The following NUBPL variants were observed in gnomAD, a reference collection of about 807,000 sequenced individuals.
The protein encoded by NUBPL is iron-sulfur cluster transfer protein NUBPL.
A neutral mutation model predicts 45.7 loss-of-function variants in NUBPL; 31 were observed. The observed-to-expected ratio is 0.68, with a 90% CI of 0.51 to 0.92. The LOEUF (loss-of-function observed/expected upper bound fraction) is 0.92, where lower values mean the gene tolerates loss of function less well. Ranked by LOEUF, NUBPL falls within the 40% of genes least tolerant of loss-of-function variation. The probability of loss-of-function intolerance (pLI) is 0.00; values close to 1 mark genes in which losing one functional copy is unlikely to be tolerated. For missense variants in NUBPL, 401 were observed against 398.7 expected, an observed-to-expected ratio of 1.01 and a Z score of -0.05; for synonymous variants, 144 against 140.9, an observed-to-expected ratio of 1.02 and a Z score of -0.15.
intron 6 of NUBPL, among the ~76,000 whole-genome samples, chr14:31,704,524 A>G (rs2037404616): frequency 1.3e-5 from 2 of 152,040 alleles, no homozygotes; most frequent in Admixed American, 6.5e-5. Context: ...TTAGCCAGGC[A>G]TGGTGGTGCA....
At chr14:31,799,365 G>T (rs116299230) in intron 7 of NUBPL, among the ~76,000 whole-genome samples, 2 of 151,998 alleles carry the variant, frequency 1.3e-5, no homozygotes, top group Non-Finnish European at 2.9e-5. Flanking sequence ...CACAAGTAAG[G>T]GTAGATAATC....
chr14:31,637,338 C>T (rs984428160), intron 4 of NUBPL, among the ~76,000 whole-genome samples: 38 of 152,282 alleles, frequency 2.5e-4, no homozygotes, highest in African/African-American at 7.0e-4. Context: ...ACCTTCATTT[C>T]GTTATGCACC....
intron 4 of NUBPL, among the ~76,000 whole-genome samples, chr14:31,638,101 ATT>A (rs1849665627): frequency 4.0e-5 from 6 of 151,446 alleles, no homozygotes; most frequent in Admixed American, 2.0e-4. Flanking sequence ...TAAAGTTAAT[ATT>A]GTTATGTGTG....
intron 6 of NUBPL, among the ~76,000 whole-genome samples, chr14:31,776,667 G>C (rs145499230): frequency 4.6e-5 from 7 of 152,208 alleles, no homozygotes; most frequent in Non-Finnish European, 1.0e-4. Context: ...TCAAACTGGG[G>C]GTCCAACAGC....
intron 6 of NUBPL, among the ~76,000 whole-genome samples, chr14:31,695,119 C>G (rs1189706188): frequency 6.6e-6 from 1 of 152,168 alleles, no homozygotes; most frequent in Middle Eastern, 3.2e-3. Context: ...TAAAAGTTTG[C>G]AGTCTCATTT....
chr14:31,749,708 G>T (rs1458960046), intron 6 of NUBPL, among the ~76,000 whole-genome samples: 1 of 151,948 alleles, frequency 6.6e-6, no homozygotes, highest in African/African-American at 2.4e-5. Context: ...TCTATTTGGG[G>T]ACTTTTGAGC....
In NUBPL at chr14:31,690,973, T is replaced by A. The variant is rs148459939; in HGVS notation, c.513+17399T>A. ...TGATTATTCAAGACTGCTTTTGGCT[T>A]TTATGACATGGACACTTCTATGATG... is the stretch of plus-strand genomic sequence containing the variant. On this transcript the variant is annotated intron_variant, in intron 6 of 10. Transcript: ENST00000281081. Among the ~76,000 whole-genome samples, 520 of 152,328 alleles carry A rather than the reference T, an allele frequency of 3.4e-3. 3 individuals carry two copies. The highest frequency in any genetic ancestry group is 0.011 in the African/African-American group (474 of 41,574).
At chr14:31,616,952 G>A (rs2034919063) in intron 4 of NUBPL, among the ~76,000 whole-genome samples, 1 of 152,022 alleles carries the variant, frequency 6.6e-6, no homozygotes, top group Non-Finnish European at 1.5e-5. Context: ...ATTTTCTTGA[G>A]CAGTGGTTTG....
chr14:31,594,597 C>G (rs2139538729), intron 3 of NUBPL, among the ~76,000 whole-genome samples: 1 of 151,518 alleles, frequency 6.6e-6, no homozygotes, highest in Non-Finnish European at 1.5e-5. Flanking sequence ...CTCTTTTTTC[C>G]TGATTGAACT....
In NUBPL at chr14:31,859,606, C is replaced by G. The variant is rs1352153623; in HGVS notation, c.*426C>G. Reference sequence around the variant, plus strand: ...AATTTGGACTGTCTTTGAATCCTGTCTTTGGTACTGTCTTGGACATGTTCT... The same window carrying G: ...AATTTGGACTGTCTTTGAATCCTGTGTTTGGTACTGTCTTGGACATGTTCT... On this transcript the variant is annotated 3_prime_UTR_variant, in exon 11 of 11. Coordinates refer to ENST00000281081, the MANE Select transcript of NUBPL (RefSeq NM_025152.3). 4 of 298,640 alleles carry G rather than the reference C, an allele frequency of 1.3e-5. No homozygotes were observed. The highest frequency in any genetic ancestry group is 2.6e-5 in the Non-Finnish European group (4 of 154,886). The allele number at this position is 298,640 out of a possible 1,614,324, so 18.5% of individuals were successfully genotyped here. A position where few individuals can be genotyped will look rare whatever the true frequency, so the allele number is the denominator to read the frequency against.
At chr14:31,732,204 T>A (rs1489294459) in intron 6 of NUBPL, among the ~76,000 whole-genome samples, 557 of 36,574 alleles carry the variant, frequency 0.015, 11 homozygotes, top group African/African-American at 0.034. Context: ...AAAAAAAAAA[T>A]GAAAGAAAGA....
chr14:31,743,579 C>T (rs779954862), intron 6 of NUBPL, among the ~76,000 whole-genome samples: 13 of 152,030 alleles, frequency 8.6e-5, no homozygotes, highest in Middle Eastern at 3.2e-3. Flanking sequence ...GGGATTTCGC[C>T]GTGTTGGCCA....
chr14:31,787,646 A>ACT, intron 6 of NUBPL, 134 bp from the exon 7 acceptor site: 1 of 671,674 alleles, frequency 1.5e-6, no homozygotes, highest in East Asian at 2.8e-5. Flanking sequence ...AGGACTCAGC[A>ACT]CAGTGCCTTG....
chr14:31,709,462 G>A (rs563564587), intron 6 of NUBPL, among the ~76,000 whole-genome samples: 8 of 152,328 alleles, frequency 5.3e-5, no homozygotes, highest in South Asian at 2.1e-4. Flanking sequence ...CTTGCTGACC[G>A]TTAGGGATTT....
At chr14:31,806,402 T>C (rs1346745409) in intron 7 of NUBPL, among the ~76,000 whole-genome samples, 4 of 152,098 alleles carry the variant, frequency 2.6e-5, no homozygotes, top group Non-Finnish European at 5.9e-5. Flanking sequence ...AGCTGAGCTA[T>C]ATGTGCATCA....
intron 6 of NUBPL, among the ~76,000 whole-genome samples, chr14:31,679,660 T>C (rs757008871): frequency 6.6e-5 from 10 of 152,196 alleles, no homozygotes; most frequent in Non-Finnish European, 1.2e-4. Context: ...TTGATTATTA[T>C]AGCTTTATAG....
At chr14:31,757,517 A>G (rs2038696416) in intron 6 of NUBPL, among the ~76,000 whole-genome samples, 2 of 152,060 alleles carry the variant, frequency 1.3e-5, no homozygotes, top group Non-Finnish European at 2.9e-5. Context: ...CTCTGATGGT[A>G]GTTTGTATTT....
At chr14:31,734,508 C>CA (rs979042506) in intron 6 of NUBPL, among the ~76,000 whole-genome samples, 2 of 152,034 alleles carry the variant, frequency 1.3e-5, no homozygotes, top group East Asian at 1.9e-4. Flanking sequence ...GAGTATTTCT[C>CA]AAAAAAATTT....
intron 4 of NUBPL, among the ~76,000 whole-genome samples, chr14:31,630,936 G>A (rs1448001517): frequency 6.6e-6 from 1 of 152,118 alleles, no homozygotes; most frequent in Non-Finnish European, 1.5e-5. Flanking sequence ...GTTGTGGGGA[G>A]TTCTCTCTCT....
Sources: allele counts gnomAD v4.1 joint callset (sites outside exome capture counted in the v4.1 genomes callset), GRCh38; gene constraint gnomAD v4.1.1; transcripts MANE v1.5; gene names NCBI Gene and HGNC (gene_info 2026-07-23, HGNC 2026-07-21).